ALDH1L2: variants seen among roughly 807,000 people sequenced by gnomAD.
ALDH1L2 encodes aldehyde dehydrogenase 1 family member L2, also known as mitochondrial 10-formyltetrahydrofolate dehydrogenase.
Under a neutral mutation model 111.0 loss-of-function variants are expected in ALDH1L2, and 91 were observed. The observed-to-expected ratio is 0.82, with a 90% CI of 0.69 to 0.98. The LOEUF is 0.98. ALDH1L2 is among the 50% of genes least tolerant of loss of function. The pLI, the probability that ALDH1L2 is intolerant of heterozygous loss-of-function variation, is 0.00. For missense variants in ALDH1L2, 995 were observed against 1,126.8 expected (o/e 0.88, Z 1.67); for synonymous variants, 374 against 392.6 (o/e 0.95, Z 0.56).
intron 10 of ALDH1L2, among the ~76,000 whole-genome samples, chr12:105,053,850 A>G (rs1374478746): frequency 2.4e-5 from 3 of 124,994 alleles, no homozygotes; most frequent in African/African-American, 7.6e-5. Flanking sequence ...TCATTATTAT[A>G]TATTATTATT....
intron 21 of ALDH1L2, among the ~76,000 whole-genome samples, chr12:105,029,370 C>T (rs375438876): frequency 6.6e-6 from 1 of 152,140 alleles, no homozygotes; most frequent in South Asian, 2.1e-4. Context: ...GGAGAGGAGG[C>T]AGAGTTGGTC....
In ALDH1L2 at chr12:105,068,709, A is replaced by G; in HGVS notation, c.594+10T>C. On this transcript the variant is annotated intron_variant, in intron 4 of 22. Transcript: ENST00000258494. ...GGTTTACTAAATTCTGGGTGGCAAAATATACTAACCATGGCCTTGATTCCT... is the reference window on the plus strand; with the variant it reads ...GGTTTACTAAATTCTGGGTGGCAAAGTATACTAACCATGGCCTTGATTCCT... The G allele has an allele frequency of 6.9e-7, 1 of 1,450,422 alleles. No homozygotes were observed. Among genetic ancestry groups the G allele is most frequent in the Non-Finnish European group, 9.1e-7 (1 of 1,095,712 alleles). The allele number at this position is 1,450,422 out of a possible 1,614,324, so 89.8% of individuals were successfully genotyped here.
chr12:105,057,789 G>A (rs560792114), intron 10 of ALDH1L2, among the ~76,000 whole-genome samples: 1 of 152,292 alleles, frequency 6.6e-6, no homozygotes, highest in East Asian at 1.9e-4. Flanking sequence ...GGTAGTCCTG[G>A]AAGAGTAAAG....
At position 105,023,119 on chromosome 12, in the gene ALDH1L2, G is replaced by C. The variant is rs1874237848; in HGVS notation, c.*1305C>G. On this transcript the variant is annotated 3_prime_UTR_variant, in exon 23 of 23. Transcript: ENST00000258494. Reference sequence around the variant, plus strand: ...CTATGGTCCAAACGCCTTGTTAAGTGCATTATGTATATTATCTCACTGAAT... The same window carrying C: ...CTATGGTCCAAACGCCTTGTTAAGTCCATTATGTATATTATCTCACTGAAT... 1 of 152,144 alleles carries C rather than the reference G, an allele frequency of 6.6e-6. No individual in the cohort carries two copies. The highest frequency in any genetic ancestry group is 1.5e-5 in the Non-Finnish European group (1 of 68,030). 9.4% of individuals were successfully genotyped at this position (152,144 alleles called of 1,614,324 possible).
intron 15 of ALDH1L2, 78 bp downstream of exon 15, chr12:105,046,632 T>C (rs1332973954): frequency 2.3e-6 from 3 of 1,279,982 alleles, no homozygotes; most frequent in Non-Finnish European, 3.3e-6. Flanking sequence ...GTTTGCTATT[T>C]ATAAATATAT....
intron 8 of ALDH1L2, 149 bp downstream of exon 8, chr12:105,061,478 G>A: frequency 8.3e-7 from 1 of 1,198,006 alleles, no homozygotes; most frequent in South Asian, 1.5e-5. Flanking sequence ...TTAAGCATAT[G>A]AATTTGGAGG....
At chr12:105,052,288 T>A in intron 11 of ALDH1L2, 71 bp from the exon 12 acceptor site, 1 of 1,409,856 alleles carries the variant, frequency 7.1e-7, no homozygotes, top group Non-Finnish European at 9.4e-7. Flanking sequence ...TAATATTGTA[T>A]TAATAGAAAA....
chr12:105,040,532 T>G, intron 16 of ALDH1L2, 75 bp downstream of exon 16: 1 of 1,311,802 alleles, frequency 7.6e-7, no homozygotes, highest in South Asian at 1.2e-5. Flanking sequence ...GACAAGTCTC[T>G]AGAGGTAAAA....
chr12:105,031,812 T>G lies in ALDH1L2; in HGVS notation c.2367A>C (p.Glu789Asp). The change falls in exon 20 of 23, where the codon GAA becomes GAC. Residue 789 changes from glutamate (E) to aspartate (D), a missense_variant. By Grantham distance (45) the Glu-to-Asp change is conservative (BLOSUM62 2). Coordinates refer to ENST00000258494, the MANE Select transcript of ALDH1L2 (RefSeq NM_001034173.4). Reference sequence around the variant, plus strand: ...TTCCCCCGTACACCAAAGTGGCCCCTTCTTTCACTCCAGTTTCACAGTATT... The same window carrying G: ...TTCCCCCGTACACCAAAGTGGCCCCGTCTTTCACTCCAGTTTCACAGTATT... ...LLQYCETGVKEGATLVYGGRQ... is the reference protein window; with the variant it reads ...LLQYCETGVKDGATLVYGGRQ... 6.2e-7 allele frequency: 1 copy of G among 1,614,206 alleles called. No individual in the cohort carries two copies. The highest frequency in any genetic ancestry group is 2.2e-5 in the East Asian group (1 of 44,884).
intron 15 of ALDH1L2, 82 bp from the exon 16 acceptor site, chr12:105,040,776 G>T: frequency 1.9e-6 from 2 of 1,047,918 alleles, no homozygotes; most frequent in South Asian, 1.3e-5. Flanking sequence ...CTTGATAGCT[G>T]CACTAGATCT....
chr12:105,062,697 C>T (rs1339644132), intron 7 of ALDH1L2, among the ~76,000 whole-genome samples, 191 bp downstream of exon 7: 2 of 152,228 alleles, frequency 1.3e-5, no homozygotes, highest in African/African-American at 4.8e-5. Flanking sequence ...TGAATTCCAG[C>T]CTCTTTCCAC....
intron 3 of ALDH1L2, among the ~76,000 whole-genome samples, chr12:105,070,148 G>A (rs551434410): frequency 1.1e-4 from 17 of 152,168 alleles, no homozygotes; most frequent in Non-Finnish European, 1.9e-4. Context: ...TTAAAAATCC[G>A]GCATAAACCA....
In ALDH1L2 at chr12:105,036,513, TTTATATATATATATATATATATATATA is replaced by T. The variant is rs1875127507; in HGVS notation, c.2145+1563_2145+1589del. On this transcript the variant is annotated intron_variant, in intron 18 of 22. Coordinates refer to ENST00000258494, the MANE Select transcript of ALDH1L2 (RefSeq NM_001034173.4). The stretch of plus-strand genomic sequence containing the variant: ...TATATTTATATATGTATATATATAT[TTTATATATATATATATATATATATATA>T]TATATATATATATATATATATATAT... Among the ~76,000 whole-genome samples the T allele has an allele frequency of 2.8e-4, 15 of 53,846 alleles. 1 individual carries two copies. Among genetic ancestry groups the T allele is most frequent in the South Asian group, 1.3e-3 (2 of 1,510 alleles). The allele number at this position is 53,846 out of a possible 152,430, so 35.3% of individuals were successfully genotyped here. A position where few individuals can be genotyped will look rare whatever the true frequency, so the allele number is the denominator to read the frequency against.
Position 105,058,093 on chromosome 12 carries a change from C to G in ALDH1L2, c.1267G>C (p.Val423Leu). The G allele has an allele frequency of 6.2e-7, 1 of 1,613,098 alleles. No homozygotes were observed. Among genetic ancestry groups the G allele is most frequent in the African/African-American group, 1.3e-5 (1 of 75,016 alleles). ...CTTACATAATCTACAACCAGCTCCA[C>G]CTCTTGATCTTCTCCTCTCAGTTTC... Reference protein sequence around the residue: ...VRKLRGEDQEVELVVDYISKE... With the variant: ...VRKLRGEDQELELVVDYISKE... The change falls in exon 10 of 23, where the codon GTG becomes CTG. Residue 423 changes from valine to leucine, a missense_variant. Val to Leu is a conservative substitution (Grantham distance 32). Coordinates refer to ENST00000258494, the MANE Select transcript of ALDH1L2 (RefSeq NM_001034173.4).
At chr12:105,081,432 G>T (rs1028792085) in intron 1 of ALDH1L2, among the ~76,000 whole-genome samples, 1 of 152,206 alleles carries the variant, frequency 6.6e-6, no homozygotes, top group African/African-American at 2.4e-5. Flanking sequence ...CAAAGAGCAA[G>T]GAAGGGTCCC....
Position 105,066,620 on chromosome 12 carries a change from T to C in ALDH1L2, c.644A>G (p.Gln215Arg), listed in dbSNP as rs1389200281. Reference sequence around the variant, plus strand: ...TTCATATGTTGCCCCTTCTTCTGGCTGGGGTATACGAGGAGCTTTTCCATC... The same window carrying C: ...TTCATATGTTGCCCCTTCTTCTGGCCGGGGTATACGAGGAGCTTTTCCATC... ...IADGKAPRIP[Q>R]PEEGATYEGI... is the part of the protein sequence containing the mutation. Residue 215 changes from glutamine to arginine, a missense_variant, in exon 5 of 23, where the codon CAG (glutamine) becomes CGG (arginine). Physicochemically the swap from Gln to Arg is conservative, Grantham distance 43 (BLOSUM62 1). Transcript: ENST00000258494. The C allele has an allele frequency of 1.2e-6, 2 of 1,614,084 alleles. No homozygotes were observed. The highest frequency in any genetic ancestry group is 1.7e-6 in the Non-Finnish European group (2 of 1,180,048).
At position 105,070,573 on chromosome 12, in the gene ALDH1L2, T is replaced by C; in HGVS notation, c.425A>G (p.Asn142Ser). 1 of 1,604,064 alleles carries C rather than the reference T, an allele frequency of 6.2e-7. No homozygotes were observed. The highest frequency in any genetic ancestry group is 1.1e-5 in the South Asian group (1 of 88,294). The change falls in exon 3 of 23, where the codon AAT (asparagine) becomes AGT (serine). Residue 142 changes from asparagine (N) to serine (S), a missense_variant. Coordinates refer to ENST00000258494, the MANE Select transcript of ALDH1L2 (RefSeq NM_001034173.4). ...AAGTAAAAAGAAAAAATCTCACCAA[T>C]TGATAGCAGAGGCTCCTCTGTGCCT... Reference protein sequence around the residue: ...LPRHRGASAINWTLIMGDKKA... With the variant: ...LPRHRGASAISWTLIMGDKKA...
intron 16 of ALDH1L2, among the ~76,000 whole-genome samples, chr12:105,040,083 G>A (rs1166626445): frequency 7.0e-5 from 9 of 127,678 alleles, no homozygotes; most frequent in East Asian, 2.4e-4. Context: ...CCAAGATCGC[G>A]CCTTTGCACT....
intron 9 of ALDH1L2, among the ~76,000 whole-genome samples, chr12:105,060,132 C>T (rs1047598007): frequency 6.6e-6 from 1 of 151,676 alleles, no homozygotes; most frequent in Admixed American, 6.6e-5. Flanking sequence ...AGCCTGATAA[C>T]CCTCATTCTA....
Sources: allele counts gnomAD v4.1 joint callset (sites outside exome capture counted in the v4.1 genomes callset), GRCh38; gene constraint gnomAD v4.1.1; transcripts MANE v1.5; gene names NCBI Gene and HGNC (gene_info 2026-07-23, HGNC 2026-07-21).